The following SUPT5H variants were observed in gnomAD, a reference collection of about 807,000 sequenced individuals.
SUPT5H encodes the protein transcription elongation factor SPT5.
SUPT5H carries 24 observed loss-of-function variants against 142.5 expected under a neutral mutation model. The ratio of observed to expected loss-of-function variants is 0.17; its 90% CI spans 0.12 to 0.24. The LOEUF is 0.24. Among genes scored for constraint, SUPT5H ranks in the 10% least tolerant of loss-of-function variants. The pLI, the probability that SUPT5H is intolerant of heterozygous loss-of-function variation, is 1.00. For synonymous variants in SUPT5H, 546 were observed against 553.0 expected (o/e 0.99, Z 0.18); for missense variants, 893 against 1,471.8 (o/e 0.61, Z 6.43).
intron 2 of SUPT5H, among the ~76,000 whole-genome samples, chr19:39,451,648 C>A (rs1270135021): frequency 6.6e-6 from 1 of 152,184 alleles, no homozygotes; most frequent in Non-Finnish European, 1.5e-5. Flanking sequence ...TCTCCTACCT[C>A]AGCCTCCTGA....
intron 10 of SUPT5H, among the ~76,000 whole-genome samples, chr19:39,460,882 T>A (rs1007672852): frequency 3.3e-5 from 5 of 152,134 alleles, no homozygotes; most frequent in African/African-American, 1.2e-4. Context: ...TGATCCCTGC[T>A]AGGGATCATG....
intron 8 of SUPT5H, 76 bp from the exon 9 acceptor site, chr19:39,459,483 G>A: frequency 1.3e-6 from 2 of 1,567,210 alleles, no homozygotes; most frequent in Non-Finnish European, 1.8e-6. Context: ...GAGGAAGGGG[G>A]TGGCCCTGGG....
chr19:39,457,972 C>A, intron 4 of SUPT5H: 1 of 834,610 alleles, frequency 1.2e-6, no homozygotes, highest in Non-Finnish European at 1.9e-6. Context: ...ACTCTGGGAT[C>A]CCAGGGCCCA....
chr19:39,464,280 C>T (rs1418980117), intron 10 of SUPT5H, among the ~76,000 whole-genome samples: 3 of 152,232 alleles, frequency 2.0e-5, no homozygotes, highest in Admixed American at 6.5e-5. Flanking sequence ...CCACCGTGCC[C>T]GGCTCTAGTT....
intron 2 of SUPT5H, among the ~76,000 whole-genome samples, chr19:39,449,784 G>A (rs753605250): frequency 2.0e-5 from 3 of 151,544 alleles, no homozygotes; most frequent in East Asian, 1.9e-4. Context: ...GGATTACAGC[G>A]GTGCGCCACC....
At chr19:39,454,755 T>C (rs1466113950) in intron 3 of SUPT5H, among the ~76,000 whole-genome samples, 1 of 152,192 alleles carries the variant, frequency 6.6e-6, no homozygotes, top group African/African-American at 2.4e-5. Flanking sequence ...CCCTTACCTA[T>C]GGGAAGAGGG....
At position 39,473,291 on chromosome 19, in the gene SUPT5H, C is replaced by T. The variant is rs1020074969; in HGVS notation, c.2347C>T (p.Arg783Ter). 6.2e-7 allele frequency: 1 copy of T among 1,613,900 alleles called. No homozygotes were observed. The highest frequency in any genetic ancestry group is 8.5e-7 in the Non-Finnish European group (1 of 1,179,976). ...SQTPMYGSGS[R>*]TPMYGSQTPL... ...GACGCCCATGTATGGCTCTGGCTCCCGAACACCCATGTACGGCTCACAGAC... is the reference window on the plus strand; with the variant it reads ...GACGCCCATGTATGGCTCTGGCTCCTGAACACCCATGTACGGCTCACAGAC... The change falls in exon 24 of 30, where the codon CGA becomes TGA. Residue 783 changes from arginine (R) to a stop codon, truncating the protein, a stop_gained. Coordinates refer to ENST00000432763, the MANE Select transcript of SUPT5H (RefSeq NM_001111020.3). LOFTEE classifies it high-confidence loss of function. This position sits in a 1 kb window ranked among gnomAD's most constrained non-coding sequence, Gnocchi z 5.8.
At chr19:39,460,134 G>A in intron 10 of SUPT5H, 174 bp downstream of exon 10, 3 of 646,522 alleles carry the variant, frequency 4.6e-6, no homozygotes, top group Non-Finnish European at 8.2e-6. Flanking sequence ...TCTCGGCCTA[G>A]ATGGATATGT....
At chr19:39,456,920 C>T (rs1027105814) in intron 3 of SUPT5H, among the ~76,000 whole-genome samples, 2 of 152,132 alleles carry the variant, frequency 1.3e-5, no homozygotes, top group African/African-American at 4.8e-5. Flanking sequence ...ACGGAGTTGC[C>T]TTTGGGAGAG....
rs182803081 is a variant in SUPT5H at position 39,476,551 on chromosome 19, C to A, written c.*152C>A. The stretch of plus-strand genomic sequence containing the variant: ...TTTTAGTTTTCCATCTTTTCCCTCC[C>A]TGGTGCTCATTGGAATCTGAGTAGA... On this transcript the variant is annotated 3_prime_UTR_variant, in exon 30 of 30. Transcript: ENST00000432763. The A allele has an allele frequency of 2.1e-3, 2,212 of 1,036,200 alleles. 3 individuals are homozygous for A. The highest frequency in any genetic ancestry group is 2.6e-3 in the Non-Finnish European group (1,917 of 729,098). 64.2% of individuals were successfully genotyped at this position (1,036,200 alleles called of 1,614,324 possible).
Position 39,466,636 on chromosome 19 carries a change from C to T in SUPT5H, c.967-39C>T, listed in dbSNP as rs368755784. 1.2e-6 allele frequency: 2 copies of T among 1,613,510 alleles called. No homozygotes were observed. Among genetic ancestry groups the T allele is most frequent in the Admixed American group, 1.7e-5 (1 of 60,006 alleles). ...TCGATCCCACTGGTGGCCAAGCCCC[C>T]TCCCTCACCCTTCCCACCCATGCCC... On this transcript the variant is annotated intron_variant, in intron 12 of 29. Transcript: ENST00000432763. This position sits in a 1 kb window ranked among gnomAD's most constrained non-coding sequence, Gnocchi z 4.3.
At position 39,453,343 on chromosome 19, in the gene SUPT5H, C is replaced by T; in HGVS notation, c.76-13C>T. On this transcript the variant is annotated splice_polypyrimidine_tract_variant and intron_variant, in intron 2 of 29. Transcript: ENST00000432763. ...CAGAATTCTGGTGCTACAACCCTGC[C>T]TGACCCCTGTAGGTAGACGAAGAGC... 1 of 1,588,256 alleles carries T rather than the reference C, an allele frequency of 6.3e-7. No homozygotes were observed. The highest frequency in any genetic ancestry group is 8.6e-7 in the Non-Finnish European group (1 of 1,166,046).
At chr19:39,455,948 T>TA (rs1184456062) in intron 3 of SUPT5H, among the ~76,000 whole-genome samples, 1 of 105,308 alleles carries the variant, frequency 9.5e-6, no homozygotes, top group Non-Finnish European at 1.9e-5. Flanking sequence ...TTTTTTTTTT[T>TA]AAGACGGAGT....
Position 39,458,493 on chromosome 19 carries a change from A to G in SUPT5H, c.319+188A>G. ...GTATACCCCAGTTGTTGACCTGGGA[A>G]AGCACGGATGTGTCTGTCTGGGACT... On this transcript the variant is annotated intron_variant, in intron 5 of 29. Transcript: ENST00000432763. This position sits in a 1 kb window ranked among gnomAD's most constrained non-coding sequence, Gnocchi z 4.2. The G allele has an allele frequency of 9.2e-7, 1 of 1,083,508 alleles. No homozygotes were observed. The highest frequency in any genetic ancestry group is 2.4e-5 in the East Asian group (1 of 41,884). The allele number at this position is 1,083,508 out of a possible 1,614,324, so 67.1% of individuals were successfully genotyped here.
In SUPT5H at chr19:39,466,892, T is replaced by C. The variant is rs919655881; in HGVS notation, c.1037+147T>C. 1.4e-5 allele frequency: 10 copies of C among 704,368 alleles called. No individual in the cohort carries two copies. The African/African-American group carries it at 1.8e-4, about 12-fold the overall frequency. 43.6% of individuals were successfully genotyped at this position (704,368 alleles called of 1,614,324 possible). ...GGCAGTATAGCCTCAGGCAAGTCAC[T>C]TCACATCCCTGTGCCTCAGTTTCTT... On this transcript the variant is annotated intron_variant, in intron 13 of 29. Coordinates refer to ENST00000432763, the MANE Select transcript of SUPT5H (RefSeq NM_001111020.3). This position sits in a 1 kb window ranked among gnomAD's most constrained non-coding sequence, Gnocchi z 4.3.
At chr19:39,459,484 T>A in intron 8 of SUPT5H, 75 bp from the exon 9 acceptor site, 1 of 1,569,032 alleles carries the variant, frequency 6.4e-7, no homozygotes, top group Non-Finnish European at 8.7e-7. Flanking sequence ...AGGAAGGGGG[T>A]GGCCCTGGGG....
At position 39,459,893 on chromosome 19, in the gene SUPT5H, T is replaced by A. The variant is rs1044402481; in HGVS notation, c.557T>A (p.Ile186Asn). 1.2e-6 allele frequency: 2 copies of A among 1,613,946 alleles called. No individual in the cohort carries two copies. The highest frequency in any genetic ancestry group is 2.2e-5 in the South Asian group (2 of 91,086). ...DPNLWTVKCK[I>N]GEERATAISL... ...TCAAATCTGCCTCTCATCTTCCAGA[T>A]TGGGGAGGAACGGGCCACGGCCATT... Residue 186 changes from isoleucine to asparagine, a missense_variant and splice_region_variant, in exon 10 of 30, where the codon ATT becomes AAT. Ile to Asn is a moderately radical substitution (Grantham distance 149). This residue lies in a region of SUPT5H where 428 missense variants were observed against 763.5 expected (regional missense o/e 0.56). Transcript: ENST00000432763.
chr19:39,453,383 G>A lies in SUPT5H; in HGVS notation c.103G>A (p.Gly35Ser). 1.2e-6 allele frequency: 2 copies of A among 1,604,428 alleles called. No individual in the cohort carries two copies. The highest frequency in any genetic ancestry group is 1.1e-5 in the South Asian group (1 of 89,610). The change falls in exon 3 of 30, where the codon GGC (glycine) becomes AGC (serine). Residue 35 changes from glycine (G) to serine (S), a missense_variant. Transcript: ENST00000432763. Reference sequence around the variant, plus strand: ...AGACGAAGAGCGGCGGAGTGCAGCGGGCAGTGAGAAAGAAGAAGAGCCTGA... The same window carrying A: ...AGACGAAGAGCGGCGGAGTGCAGCGAGCAGTGAGAAAGAAGAAGAGCCTGA... ...EVDEERRSAA[G>S]SEKEEEPEDE...
In SUPT5H at chr19:39,476,251, C is replaced by G; in HGVS notation, c.3121-5C>G. On this transcript the variant is annotated splice_region_variant and splice_polypyrimidine_tract_variant and intron_variant, in intron 29 of 29. Transcript: ENST00000432763. Reference sequence around the variant, plus strand: ...GGACCCTGACCATATTCCCCCCACCCCCAGGTGAAAGTGATCCTGGGCGAG... The same window carrying G: ...GGACCCTGACCATATTCCCCCCACCGCCAGGTGAAAGTGATCCTGGGCGAG... 6.2e-7 allele frequency: 1 copy of G among 1,614,086 alleles called. No individual in the cohort carries two copies. Among genetic ancestry groups the G allele is most frequent in the South Asian group, 1.1e-5 (1 of 91,072 alleles).
Sources: gnomAD v4.1 joint callset for allele counts (sites outside exome capture counted in the v4.1 genomes callset) on GRCh38, gnomAD v4.1.1 for gene constraint, gnomAD v4.1.1 regional missense constraint, Gnocchi (gnomAD v3.1) non-coding constraint, MANE v1.5 for transcripts, NCBI Gene and HGNC (gene_info 2026-07-23, HGNC 2026-07-21) for gene names.